The following RNF111 variants were observed in gnomAD, a reference collection of about 807,000 sequenced individuals.
The protein encoded by RNF111 is E3 ubiquitin-protein ligase Arkadia.
A neutral mutation model predicts 95.1 loss-of-function variants in RNF111; 17 were observed. The ratio of observed to expected loss-of-function variants is 0.18; its 90% CI spans 0.12 to 0.27. RNF111 has a LOEUF of 0.27. Ranked by LOEUF, RNF111 falls within the 10% of genes least tolerant of loss-of-function variation. The pLI is 1.00. For synonymous variants in RNF111, 440 were observed against 414.8 expected (o/e 1.06, Z -0.74); for missense variants, 1,189 against 1,210.4 (o/e 0.98, Z 0.26).
intron 1 of RNF111, among the ~76,000 whole-genome samples, chr15:58,994,033 A>ATTTTTTTT (rs371453519): frequency 9.7e-6 from 1 of 103,132 alleles, no homozygotes; most frequent in Admixed American, 1.2e-4. Context: ...TGTTACTTAA[A>ATTTTTTTT]TTTTTTTTTT....
rs12907497 is a variant in RNF111 at position 59,070,644 on chromosome 15, T to C, written c.1686+3561T>C. Reference sequence around the variant, plus strand: ...GCTCAACAGAAGGAGAACAGACATATACTTGATTGTAGATAAATAATACAA... The same window carrying C: ...GCTCAACAGAAGGAGAACAGACATACACTTGATTGTAGATAAATAATACAA... On this transcript the variant is annotated intron_variant, in intron 6 of 13. Transcript: ENST00000348370. Among the ~76,000 whole-genome samples, 1,304 of 152,324 alleles carry C rather than the reference T, an allele frequency of 8.6e-3. 11 individuals are homozygous for C. The highest frequency in any genetic ancestry group is 0.014 in the Non-Finnish European group (932 of 68,032).
At chr15:59,076,845 C>T (rs1024925561) in intron 7 of RNF111, among the ~76,000 whole-genome samples, 5 of 152,178 alleles carry the variant, frequency 3.3e-5, no homozygotes, top group African/African-American at 1.2e-4. Flanking sequence ...TTAATAAACA[C>T]TTGGCTGATA....
chr15:59,023,735 TC>T (rs1428171426), intron 1 of RNF111, among the ~76,000 whole-genome samples: 4 of 152,202 alleles, frequency 2.6e-5, no homozygotes, highest in African/African-American at 9.7e-5. Context: ...TTCCTTTTTT[TC>T]TTCCAGATTT....
chr15:59,032,333 G>A (rs2040951462), intron 2 of RNF111, among the ~76,000 whole-genome samples: 1 of 152,016 alleles, frequency 6.6e-6, no homozygotes, highest in East Asian at 1.9e-4. Context: ...TAATATGCTT[G>A]ACTGTTATGA....
intron 1 of RNF111, among the ~76,000 whole-genome samples, chr15:59,013,564 G>T (rs2039927881): frequency 6.6e-6 from 1 of 152,176 alleles, no homozygotes; most frequent in Admixed American, 6.5e-5. Context: ...GGAGTACATG[G>T]TGTCAACATG....
intron 5 of RNF111, among the ~76,000 whole-genome samples, chr15:59,061,981 G>A (rs2042457131): frequency 6.7e-6 from 1 of 150,016 alleles, no homozygotes; most frequent in Non-Finnish European, 1.5e-5. Flanking sequence ...TGTAAGTGTT[G>A]TCACCTATCA....
chr15:59,046,953 G>A (rs1409052067), intron 2 of RNF111, among the ~76,000 whole-genome samples: 4 of 151,812 alleles, frequency 2.6e-5, no homozygotes, highest in South Asian at 2.1e-4. Flanking sequence ...CTGCAGACTC[G>A]GCCCCCTGGT....
chr15:59,016,167 T>C (rs1344313714), intron 1 of RNF111, among the ~76,000 whole-genome samples: 4 of 149,288 alleles, frequency 2.7e-5, no homozygotes, highest in African/African-American at 4.9e-5. Context: ...TATATGTATA[T>C]ATATATAGTT....
chr15:59,072,675 A>G (rs1295073866), intron 6 of RNF111, among the ~76,000 whole-genome samples: 3 of 151,116 alleles, frequency 2.0e-5, no homozygotes, highest in Non-Finnish European at 3.0e-5. Context: ...GTTGGTCTCA[A>G]TCTCCTGACC....
chr15:58,993,290 C>T (rs1344470202), intron 1 of RNF111, among the ~76,000 whole-genome samples: 1 of 152,156 alleles, frequency 6.6e-6, no homozygotes, highest in Non-Finnish European at 1.5e-5. Context: ...GAGTGGATCA[C>T]CTGACATCAG....
At chr15:59,043,131 ATTCAT>A (rs2041545316) in intron 2 of RNF111, among the ~76,000 whole-genome samples, 1 of 151,624 alleles carries the variant, frequency 6.6e-6, no homozygotes, top group African/African-American at 2.4e-5. Flanking sequence ...TATAAAATTC[ATTCAT>A]TTAAAGTGTA....
Position 59,065,460 on chromosome 15 carries a change from T to C in RNF111, c.1367-1304T>C, listed in dbSNP as rs529759156. Among the ~76,000 whole-genome samples, 9 of 152,290 alleles carry C rather than the reference T, an allele frequency of 5.9e-5. No individual in the cohort carries two copies. In the South Asian group the frequency reaches 1.9e-3, roughly 32 times the overall value. On this transcript the variant is annotated intron_variant, in intron 5 of 13. Transcript: ENST00000348370. ...GTTTTATACTGAGAAATTTATCTTT[T>C]CTAACAACCATGCAAGGCAATTTTA...
rs1452171984 is a variant in RNF111 at position 58,992,915 on chromosome 15, T to C, written c.-20+4847T>C. Among the ~76,000 whole-genome samples the C allele has an allele frequency of 2.0e-5, 3 of 152,196 alleles. No individual in the cohort carries two copies. The East Asian group carries it at 5.8e-4, about 29-fold the overall frequency. On this transcript the variant is annotated intron_variant, in intron 1 of 13. Transcript: ENST00000348370. ...ACATGGTGGTGCACACCTGTAGTAA[T>C]CCTAGCACTTTGGGAGGCTGAGGCA...
intron 1 of RNF111, among the ~76,000 whole-genome samples, chr15:59,003,056 T>C (rs1244648006): frequency 6.6e-6 from 1 of 152,340 alleles, no homozygotes; most frequent in South Asian, 2.1e-4. Context: ...TCACAGGTGC[T>C]ATTAAAGCTT....
At chr15:59,009,973 T>C (rs536356047) in intron 1 of RNF111, among the ~76,000 whole-genome samples, 148 of 152,188 alleles carry the variant, frequency 9.7e-4, no homozygotes, top group African/African-American at 3.3e-3. Flanking sequence ...CAAACAAAAA[T>C]TAAAATGATT....
At chr15:59,008,403 G>A (rs1357580473) in intron 1 of RNF111, among the ~76,000 whole-genome samples, 2 of 151,818 alleles carry the variant, frequency 1.3e-5, no homozygotes, top group Non-Finnish European at 2.9e-5. Flanking sequence ...TTTTTTTGTA[G>A]AGACAGGGTC....
chr15:58,996,342 G>A (rs1284752769), intron 1 of RNF111, among the ~76,000 whole-genome samples: 6 of 152,104 alleles, frequency 3.9e-5, no homozygotes, highest in African/African-American at 1.4e-4. Flanking sequence ...GGAGGCCGAG[G>A]CATATGGATC....
intron 6 of RNF111, among the ~76,000 whole-genome samples, chr15:59,070,029 CTTTTT>C (rs1189748185): frequency 3.1e-3 from 70 of 22,668 alleles, no homozygotes; most frequent in South Asian, 4.3e-3. Flanking sequence ...CCACCTCCTG[CTTTTT>C]TTTTTTTTTT....
intron 1 of RNF111, among the ~76,000 whole-genome samples, chr15:59,022,494 T>C (rs939302073): frequency 4.6e-5 from 7 of 152,230 alleles, no homozygotes; most frequent in African/African-American, 1.7e-4. Context: ...CTGTATTTTC[T>C]TTCCTTTTTA....
Sources: gnomAD v4.1 joint callset for allele counts (sites outside exome capture counted in the v4.1 genomes callset) on GRCh38, gnomAD v4.1.1 for gene constraint, MANE v1.5 for transcripts, NCBI Gene and HGNC (gene_info 2026-07-23, HGNC 2026-07-21) for gene names.